The following NUP160 variants were observed in gnomAD, a reference collection of about 807,000 sequenced individuals.
NUP160 encodes the protein nuclear pore complex protein Nup160.
NUP160 carries 94 observed loss-of-function variants against 196.9 expected under a neutral mutation model. That is an observed-to-expected ratio of 0.48 (90% CI 0.40 to 0.57). The LOEUF (loss-of-function observed/expected upper bound fraction) is 0.57. Among genes scored for constraint, NUP160 ranks in the 20% least tolerant of loss-of-function variants. The probability of loss-of-function intolerance (pLI) is 0.00; values close to 1 mark genes in which losing one functional copy is unlikely to be tolerated. For missense variants in NUP160, 1,638 were observed against 1,748.3 expected (o/e 0.94, Z 1.13); for synonymous variants, 605 against 619.7 (o/e 0.98, Z 0.35).
chr11:47,791,568 T>A (rs1238247095), intron 29 of NUP160, among the ~76,000 whole-genome samples: 1 of 152,128 alleles, frequency 6.6e-6, no homozygotes, highest in Non-Finnish European at 1.5e-5. Flanking sequence ...CTTGAACACC[T>A]GACCTCAGGT....
exon 11 of NUP160, chr11:47,818,089 T>C (rs757303001): frequency 1.2e-5 from 20 of 1,612,004 alleles, no homozygotes; most frequent in Admixed American, 1.7e-5. Flanking sequence ...CATTTGTGAA[T>C]TGTCCTGGTG....
At chr11:47,822,969 T>C (rs1021810226) in intron 7 of NUP160, among the ~76,000 whole-genome samples, 7 of 152,234 alleles carry the variant, frequency 4.6e-5, no homozygotes, top group African/African-American at 9.6e-5. Context: ...CAGTCTATCA[T>C]TGATGGACAC....
chr11:47,807,635 C>T (rs920593679), intron 18 of NUP160, among the ~76,000 whole-genome samples: 1 of 151,870 alleles, frequency 6.6e-6, no homozygotes, highest in Non-Finnish European at 1.5e-5. Context: ...CCATTGCACT[C>T]CAGCATGGGC....
chr11:47,820,442 A>G (rs943039813), intron 9 of NUP160, among the ~76,000 whole-genome samples: 5 of 152,230 alleles, frequency 3.3e-5, no homozygotes, highest in African/African-American at 1.2e-4. Context: ...AAAATACTAC[A>G]CATTCATAGC....
At chr11:47,803,487 C>T (rs751392928) in exon 22 of NUP160, 3 of 1,612,580 alleles carry the variant, frequency 1.9e-6, no homozygotes, top group East Asian at 2.2e-5. Flanking sequence ...CATAAATCGA[C>T]AGGAACCAAC....
At chr11:47,798,941 T>TAAAAAAAAAAAAAAAAAAA (rs57343652) in intron 23 of NUP160, among the ~76,000 whole-genome samples, 1 of 112,034 alleles carries the variant, frequency 8.9e-6, no homozygotes. Flanking sequence ...TCTCTATTAT[T>TAAAAAAAAAAAAAAAAAAA]AAAAAAAAAA....
chr11:47,834,288 G>A (rs2135397137), intron 7 of NUP160, among the ~76,000 whole-genome samples: 1 of 152,158 alleles, frequency 6.6e-6, no homozygotes, highest in African/African-American at 2.4e-5. Flanking sequence ...TGATCAACAG[G>A]ATGTTACATG....
intron 9 of NUP160, among the ~76,000 whole-genome samples, chr11:47,819,751 T>A (rs902407687): frequency 6.6e-6 from 1 of 152,236 alleles, no homozygotes; most frequent in African/African-American, 2.4e-5. Flanking sequence ...CACTAAGGCA[T>A]CAAATACAAA....
At chr11:47,803,934 C>T (rs932651221) in intron 21 of NUP160, among the ~76,000 whole-genome samples, 6 of 152,058 alleles carry the variant, frequency 3.9e-5, no homozygotes, top group African/African-American at 1.4e-4. Context: ...GCCTGTAATC[C>T]CAGCACTCTG....
At chr11:47,848,491 A>G (rs967849633), upstream of NUP160, 57 of 1,260,366 alleles carry the variant, frequency 4.5e-5, no homozygotes, top group Non-Finnish European at 5.1e-5. Flanking sequence ...GTGGGCAGCG[A>G]GGAATCCAGA....
intron 7 of NUP160, among the ~76,000 whole-genome samples, chr11:47,824,969 G>A (rs911318801): frequency 6.6e-6 from 1 of 151,878 alleles, no homozygotes; most frequent in Non-Finnish European, 1.5e-5. Context: ...CTGAGTAGCT[G>A]GGACTACAGG....
exon 34 of NUP160, chr11:47,783,152 A>C: frequency 6.2e-7 from 1 of 1,613,968 alleles, no homozygotes; most frequent in Non-Finnish European, 8.5e-7. Context: ...TTCTTCTAAA[A>C]GGTCATAGTT....
chr11:47,813,251 T>C (rs1033496724), intron 14 of NUP160, 65 bp downstream of exon 14: 2 of 1,235,450 alleles, frequency 1.6e-6, no homozygotes, highest in Admixed American at 1.8e-5. Flanking sequence ...TTTGTATCCA[T>C]GTGAAACGAA....
At position 47,840,391 on chromosome 11, in the gene NUP160, C is replaced by T. The variant is rs367769746; in HGVS notation, c.512G>A (p.Arg171Gln). ...TAGCCAACTTACACTCCTATACATC[C>T]GGGAGGGGTGTGGTAAAAGTAACCT... is the stretch of plus-strand genomic sequence containing the variant. Residue 171 changes from arginine (R) to glutamine (Q), a missense_variant, in exon 3 of 36, where the codon CGG (arginine) becomes CAG (glutamine). Physicochemically the swap from Arg to Gln is conservative, Grantham distance 43. This residue lies in a region of NUP160 where 287 missense variants were observed against 259.5 expected (regional missense o/e 1.11). Transcript: ENST00000378460. 25 of 1,613,466 alleles carry T rather than the reference C, an allele frequency of 1.5e-5. No homozygotes were observed. The highest frequency in any genetic ancestry group is 1.1e-4 in the African/African-American group (8 of 74,892).
At chr11:47,807,194 C>A in intron 18 of NUP160, 54 bp from the exon 19 acceptor site, 1 of 1,064,492 alleles carries the variant, frequency 9.4e-7, no homozygotes, top group Middle Eastern at 2.0e-4. Flanking sequence ...CTAAACATTA[C>A]TTCTACAAGC....
chr11:47,797,876 T>G (rs1445803892), exon 27 of NUP160: 1 of 1,611,374 alleles, frequency 6.2e-7, no homozygotes, highest in Admixed American at 1.7e-5. Context: ...ACTCAATTAT[T>G]CCCACAACCT....
intron 23 of NUP160, among the ~76,000 whole-genome samples, chr11:47,801,570 A>G (rs1219280516): frequency 6.6e-6 from 1 of 152,106 alleles, no homozygotes; most frequent in African/African-American, 2.4e-5. Context: ...GGCTGGTCTC[A>G]AACTCCTGAC....
chr11:47,786,360 T>C, intron 32 of NUP160, 93 bp downstream of exon 32: 2 of 690,358 alleles, frequency 2.9e-6, no homozygotes, highest in Non-Finnish European at 4.9e-6. Flanking sequence ...AAGAAAAAAG[T>C]GAAATGATCT....
intron 17 of NUP160, among the ~76,000 whole-genome samples, chr11:47,810,220 T>C (rs1251111051): frequency 6.6e-6 from 1 of 151,798 alleles, no homozygotes; most frequent in Non-Finnish European, 1.5e-5. Context: ...TTTTTTGAGA[T>C]AGGGTCTCAC....
Sources: gnomAD v4.1 joint callset for allele counts (sites outside exome capture counted in the v4.1 genomes callset) on GRCh38, gnomAD v4.1.1 for gene constraint, gnomAD v4.1.1 regional missense constraint, MANE v1.5 for transcripts, NCBI Gene and HGNC (gene_info 2026-07-23, HGNC 2026-07-21) for gene names.